VWA8: variants seen among roughly 807,000 people sequenced by gnomAD.
VWA8 encodes the protein von Willebrand factor A domain-containing protein 8.
A neutral mutation model predicts 241.5 loss-of-function variants in VWA8; 221 were observed. The ratio of observed to expected loss-of-function variants is 0.91; its 90% CI spans 0.82 to 1.02. The LOEUF is 1.02. Ranked by LOEUF, VWA8 falls within the 50% of genes least tolerant of loss-of-function variation. VWA8 has a pLI of 0.00. For missense variants in VWA8, 2,322 were observed against 2,328.7 expected (o/e 1.00, Z 0.06); for synonymous variants, 852 against 827.1 (o/e 1.03, Z -0.52).
intron 4 of VWA8, among the ~76,000 whole-genome samples, chr13:41,905,719 A>G (rs1302385796): frequency 6.6e-6 from 1 of 152,020 alleles, no homozygotes; most frequent in African/African-American, 2.4e-5. Flanking sequence ...GATCAGTCTG[A>G]TTGTTAATGT....
intron 15 of VWA8, among the ~76,000 whole-genome samples, chr13:41,817,102 T>C (rs750295343): frequency 6.6e-6 from 1 of 152,222 alleles, no homozygotes; most frequent in South Asian, 2.1e-4. Context: ...GAACTTTTCA[T>C]GTATCATCAT....
chr13:41,811,271 G>T lies in VWA8; in HGVS notation c.2017C>A (p.Pro673Thr). The T allele has an allele frequency of 6.2e-7, 1 of 1,611,146 alleles. No homozygotes were observed. The highest frequency in any genetic ancestry group is 8.5e-7 in the Non-Finnish European group (1 of 1,177,768). ...ACAGCACTGTGAAGATTTTCATTAG[G>T]ATACTGTGACAGCCGACGAGAAATT... is the stretch of plus-strand genomic sequence containing the variant. ...LRISRRLSQY[P>T]NENLHSAVTK... The change falls in exon 17 of 45, where the codon CCT (proline) becomes ACT (threonine). Residue 673 changes from proline to threonine, a missense_variant. Transcript: ENST00000379310.
intron 17 of VWA8, among the ~76,000 whole-genome samples, chr13:41,791,597 A>C (rs1267006081): frequency 6.6e-6 from 1 of 151,890 alleles, no homozygotes; most frequent in Non-Finnish European, 1.5e-5. Context: ...TATGAATAAA[A>C]AATATATTGT....
intron 17 of VWA8, among the ~76,000 whole-genome samples, chr13:41,789,445 T>C (rs1869354064): frequency 6.6e-6 from 1 of 152,196 alleles, no homozygotes; most frequent in African/African-American, 2.4e-5. Context: ...AATTATTACA[T>C]TTATCATATT....
intron 35 of VWA8, among the ~76,000 whole-genome samples, chr13:41,684,495 A>T (rs375174215): frequency 3.3e-5 from 5 of 152,136 alleles, no homozygotes; most frequent in African/African-American, 1.2e-4. Context: ...TGGTGGGGTG[A>T]TCCTGGGCCA....
intron 9 of VWA8, among the ~76,000 whole-genome samples, chr13:41,870,705 A>G (rs1873557930): frequency 1.3e-5 from 2 of 152,022 alleles, no homozygotes; most frequent in Non-Finnish European, 2.9e-5. Flanking sequence ...CAAATAAATG[A>G]GCTTAAATGT....
rs1411159661 is a variant in VWA8 at position 41,891,408 on chromosome 13, T to A, written c.651+12A>T. 6.2e-7 allele frequency: 1 copy of A among 1,613,982 alleles called. No individual in the cohort carries two copies. Among genetic ancestry groups the A allele is most frequent in the Admixed American group, 1.7e-5 (1 of 60,004 alleles). ...ACAGCAAAGACAAAGCAACAGGATT[T>A]TCTTTTCTTACTCGGAGAAGTTTGT... On this transcript the variant is annotated intron_variant, in intron 5 of 44. Transcript: ENST00000379310.
intron 21 of VWA8, among the ~76,000 whole-genome samples, chr13:41,732,407 T>G: frequency 6.6e-6 from 1 of 151,920 alleles, no homozygotes. Flanking sequence ...TTACTTCTGT[T>G]TTTCTTTCTG....
intron 17 of VWA8, among the ~76,000 whole-genome samples, chr13:41,790,296 G>A (rs978314916): frequency 6.6e-6 from 1 of 152,080 alleles, no homozygotes; most frequent in Non-Finnish European, 1.5e-5. Context: ...TTTTAACACT[G>A]TGTATGATTA....
rs374241329 is a variant in VWA8 at position 41,871,538 on chromosome 13, G to C, written c.1081-3061C>G. On this transcript the variant is annotated intron_variant, in intron 9 of 44. Transcript: ENST00000379310. ...TTCTCATTGTTCCATTCCCACCTAT[G>C]AGTGAGAATATGCGGTGTTTGGTTT... Among the ~76,000 whole-genome samples the C allele has an allele frequency of 2.0e-4, 31 of 152,194 alleles. 1 individual carries two copies. The East Asian group carries it at 3.5e-3, about 17-fold the overall frequency.
chr13:41,736,848 T>TC (rs1174522792), intron 21 of VWA8, among the ~76,000 whole-genome samples: 37 of 141,580 alleles, frequency 2.6e-4, no homozygotes, highest in African/African-American at 2.3e-4. Context: ...TCTTTTCTTT[T>TC]TTTTTTTTTT....
chr13:41,863,395 TTGTGTGTGTGTGTGTGTGTGTG>T (rs140177608), intron 12 of VWA8, among the ~76,000 whole-genome samples: 4 of 90,082 alleles, frequency 4.4e-5, no homozygotes, highest in East Asian at 6.5e-4. Context: ...TATCTCCTAT[TTGTGTGTGTGTGTGTGTGTGTG>T]TGTGTGTGTG....
chr13:41,954,892 A>G (rs1333809911), intron 1 of VWA8, among the ~76,000 whole-genome samples: 1 of 152,212 alleles, frequency 6.6e-6, no homozygotes, highest in African/African-American at 2.4e-5. Context: ...AAAATGTTCA[A>G]AGGGATACAT....
intron 3 of VWA8, among the ~76,000 whole-genome samples, chr13:41,910,521 T>C (rs1593863088): frequency 6.6e-6 from 1 of 151,600 alleles, no homozygotes; most frequent in East Asian, 1.9e-4. Context: ...GAGGCAAAGG[T>C]TGCAGTGAGC....
chr13:41,806,010 A>T (rs1343097406), intron 17 of VWA8, among the ~76,000 whole-genome samples: 7 of 151,446 alleles, frequency 4.6e-5, no homozygotes, highest in Non-Finnish European at 1.0e-4. Flanking sequence ...ATAAAAAAAA[A>T]AAAAAAAGAA....
intron 37 of VWA8, among the ~76,000 whole-genome samples, chr13:41,630,211 A>C (rs1311902985): frequency 6.6e-6 from 1 of 152,122 alleles, no homozygotes; most frequent in East Asian, 1.9e-4. Context: ...TGAATGGTCC[A>C]TGGTTTGTCT....
intron 20 of VWA8, among the ~76,000 whole-genome samples, chr13:41,775,906 T>C (rs576917286): frequency 1.3e-5 from 2 of 152,314 alleles, no homozygotes; most frequent in Admixed American, 6.5e-5. Context: ...CTCTGGTTAC[T>C]GGCTAGGCAT....
chr13:41,942,295 G>T (rs1394924432), intron 2 of VWA8, among the ~76,000 whole-genome samples: 1 of 152,104 alleles, frequency 6.6e-6, no homozygotes, highest in African/African-American at 2.4e-5. Flanking sequence ...AGTTGCAAGA[G>T]AATTTTATTT....
chr13:41,693,077 A>T, intron 29 of VWA8, 105 bp from the exon 30 acceptor site: 1 of 680,334 alleles, frequency 1.5e-6, no homozygotes. Context: ...ATAGTGATAA[A>T]TCAAAACAAA....
Sources: gnomAD v4.1 joint callset for allele counts (sites outside exome capture counted in the v4.1 genomes callset) on GRCh38, gnomAD v4.1.1 for gene constraint, MANE v1.5 for transcripts, NCBI Gene and HGNC (gene_info 2026-07-23, HGNC 2026-07-21) for gene names.